The following TENM3 variants were observed in gnomAD, a reference collection of about 807,000 sequenced individuals.
The protein encoded by TENM3 is teneurin-3.
Under a neutral mutation model 255.1 loss-of-function variants are expected in TENM3, and 63 were observed. That is an observed-to-expected ratio of 0.25 (90% CI 0.20 to 0.30). The LOEUF is 0.30. Ranked by LOEUF, TENM3 falls within the 10% of genes least tolerant of loss-of-function variation. TENM3 has a pLI of 1.00. For synonymous variants in TENM3, 1,306 were observed against 1,322.3 expected, an observed-to-expected ratio of 0.99 and a Z score of 0.27; for missense variants, 2,929 against 3,461.1, an observed-to-expected ratio of 0.85 and a Z score of 3.86.
At chr4:182,502,247 G>A (rs1010989115) in intron 3 of TENM3, among the ~76,000 whole-genome samples, 4 of 152,190 alleles carry the variant, frequency 2.6e-5, no homozygotes, top group Non-Finnish European at 5.9e-5. Flanking sequence ...CTTTGTTCCA[G>A]GAGTTGTGGC....
In TENM3 at chr4:182,161,890, TATATGTGTATATATACACACAC is replaced by T. The variant is rs1363764314; in HGVS notation, c.-76+17139_-76+17160del. The stretch of plus-strand genomic sequence containing the variant: ...ATATATGTGTATATATATACACACA[TATATGTGTATATATACACACAC>T]ATGTATGTGTATATATATACACATA... On this transcript the variant is annotated intron_variant, in intron 1 of 2. Transcript: ENST00000512480. Among the ~76,000 whole-genome samples the T allele has an allele frequency of 4.9e-5, 2 of 40,620 alleles. 1 individual carries two copies. The highest frequency in any genetic ancestry group is 1.2e-4 in the Non-Finnish European group (2 of 16,318). 26.6% of individuals were successfully genotyped at this position (40,620 alleles called of 152,430 possible). A position where few individuals can be genotyped will look rare whatever the true frequency, so the allele number is the denominator to read the frequency against.
chr4:181,571,707 C>T, the TENM3 span, among the ~76,000 whole-genome samples: 1 of 152,026 alleles, frequency 6.6e-6, no homozygotes, highest in East Asian at 1.9e-4. Context: ...GATATGAATT[C>T]TATATTTTTG....
At chr4:181,592,662 C>CTTTTT in the TENM3 span, among the ~76,000 whole-genome samples, 65 of 130,060 alleles carry the variant, frequency 5.0e-4, no homozygotes, top group Non-Finnish European at 8.4e-4. Flanking sequence ...GAAAATCTCT[C>CTTTTT]TTTTTTTTTT....
At chr4:181,964,640 G>A in the TENM3 span, among the ~76,000 whole-genome samples, 4 of 151,826 alleles carry the variant, frequency 2.6e-5, no homozygotes, top group South Asian at 2.1e-4. Context: ...TAGGCTGATC[G>A]GGCTATTTTC....
chr4:182,771,942 G>A (rs1181860575), intron 22 of TENM3, among the ~76,000 whole-genome samples: 3 of 152,028 alleles, frequency 2.0e-5, no homozygotes, highest in Admixed American at 6.5e-5. Context: ...CGTTCCTGCC[G>A]CTGGCTGAGC....
chr4:182,253,330 G>A (rs549864592), intron 1 of TENM3, among the ~76,000 whole-genome samples: 59 of 152,250 alleles, frequency 3.9e-4, no homozygotes, highest in East Asian at 1.6e-3. Context: ...AGAGTTATCC[G>A]GGTGTAGTGG....
intron 1 of TENM3, among the ~76,000 whole-genome samples, chr4:182,145,796 C>T (rs745667316): frequency 1.1e-4 from 17 of 152,208 alleles, no homozygotes; most frequent in Non-Finnish European, 1.9e-4. Context: ...AGGACTGTCT[C>T]TTCATCATGC....
chr4:181,481,368 A>G, the TENM3 span, among the ~76,000 whole-genome samples: 12 of 152,110 alleles, frequency 7.9e-5, no homozygotes, highest in Middle Eastern at 3.2e-3. Context: ...CAATATAGAG[A>G]GAACTCTTCA....
chr4:181,579,289 C>A, the TENM3 span, among the ~76,000 whole-genome samples: 5 of 152,092 alleles, frequency 3.3e-5, no homozygotes, highest in African/African-American at 1.2e-4. Context: ...ATGAGAGACA[C>A]CTCCTAACCA....
At chr4:181,595,430 C>CAAAAA in the TENM3 span, among the ~76,000 whole-genome samples, 4 of 41,816 alleles carry the variant, frequency 9.6e-5, no homozygotes, top group African/African-American at 1.7e-4. Context: ...GACTCCATCC[C>CAAAAA]AAAAAAAAAA....
At chr4:181,670,143 G>C in the TENM3 span, among the ~76,000 whole-genome samples, 2 of 152,040 alleles carry the variant, frequency 1.3e-5, no homozygotes, top group Non-Finnish European at 2.9e-5. Flanking sequence ...CAAGGTAAAT[G>C]GATTGCAAGT....
chr4:181,614,744 C>T, the TENM3 span, among the ~76,000 whole-genome samples: 3,724 of 152,240 alleles, frequency 0.024, 63 homozygotes, highest in Admixed American at 0.06. Context: ...TTGAGGATTG[C>T]GAAAACTATC....
chr4:181,569,885 A>G, the TENM3 span, among the ~76,000 whole-genome samples: 1 of 152,176 alleles, frequency 6.6e-6, no homozygotes, highest in Non-Finnish European at 1.5e-5. Context: ...CCACAGTTTT[A>G]GACATTCAGG....
the TENM3 span, among the ~76,000 whole-genome samples, chr4:181,623,692 A>G: frequency 1.3e-5 from 2 of 152,200 alleles, no homozygotes; most frequent in Admixed American, 6.5e-5. Context: ...AGGCTTTCTT[A>G]TGCTTCGTAA....
At chr4:181,897,452 C>T in the TENM3 span, among the ~76,000 whole-genome samples, 13 of 152,190 alleles carry the variant, frequency 8.5e-5, no homozygotes, top group African/African-American at 2.7e-4. Flanking sequence ...TCCAATTAGT[C>T]TCTTCTCAAC....
the TENM3 span, among the ~76,000 whole-genome samples, chr4:181,873,351 G>A: frequency 6.6e-6 from 1 of 152,302 alleles, no homozygotes; most frequent in Admixed American, 6.5e-5. Flanking sequence ...TAACAGGCGT[G>A]AGCCACCACG....
intron 1 of TENM3, among the ~76,000 whole-genome samples, chr4:182,160,417 CT>C (rs1231083360): frequency 2.0e-5 from 3 of 152,130 alleles, no homozygotes; most frequent in Non-Finnish European, 4.4e-5. Context: ...AGAAAAATGT[CT>C]ATGGAAATGT....
chr4:182,164,778 G>GA (rs539819980), intron 1 of TENM3, among the ~76,000 whole-genome samples: 1 of 151,986 alleles, frequency 6.6e-6, no homozygotes, highest in Non-Finnish European at 1.5e-5. Flanking sequence ...ATGAGCAAAT[G>GA]AAAAAAAGTC....
chr4:182,406,994 T>A (rs907371097), intron 3 of TENM3, among the ~76,000 whole-genome samples: 3 of 152,216 alleles, frequency 2.0e-5, no homozygotes, highest in Non-Finnish European at 4.4e-5. Flanking sequence ...ACGTCCAGAA[T>A]GCTGTTTGCT....
Sources: allele counts gnomAD v4.1 joint callset (sites outside exome capture counted in the v4.1 genomes callset), GRCh38; gene constraint gnomAD v4.1.1; transcripts MANE v1.5; gene names NCBI Gene and HGNC (gene_info 2026-07-23, HGNC 2026-07-21).